The following CHD1 variants were observed in gnomAD, a reference collection of about 807,000 sequenced individuals.
CHD1 encodes chromodomain helicase DNA binding protein 1, also known as ATP-dependent chromatin remodeler CHD1.
In CHD1, 36 loss-of-function variants were observed where a neutral mutation model predicts 224.2. The ratio of observed to expected loss-of-function variants is 0.16; its 90% confidence interval spans 0.12 to 0.21. The LOEUF is 0.21. CHD1 is among the 10% of genes least tolerant of loss of function. The probability of loss-of-function intolerance (pLI) is 1.00; values close to 1 mark genes in which losing one functional copy is unlikely to be tolerated. For missense variants in CHD1, 1,378 were observed against 1,994.8 expected, an observed-to-expected ratio of 0.69 and a Z score of 5.89; for synonymous variants, 668 against 658.3, an observed-to-expected ratio of 1.01 and a Z score of -0.23.
rs748659933 is a variant in CHD1 at position 98,901,302 on chromosome 5, T to G, written c.471A>C (p.Pro157=). 3 of 1,612,646 alleles carry G rather than the reference T, an allele frequency of 1.9e-6. No homozygotes were observed. The highest frequency in any genetic ancestry group is 1.7e-6 in the Non-Finnish European group (2 of 1,179,662). Residue 157 remains proline, a synonymous_variant, in exon 6 of 36, where the codon CCA becomes CCC. Transcript: ENST00000614616. ...EDWQMSGSGS[P]SQSGSDSESE... ...ATTCTGAATCTGAACCAGACTGAGA[T>G]GGAGATCCTGACCCAGACATTTGCC...
Position 98,904,879 on chromosome 5 carries a change from G to A in CHD1, c.255+18C>T, listed in dbSNP as rs1324874059. On this transcript the variant is annotated intron_variant, in intron 3 of 35. Transcript: ENST00000614616. Reference sequence around the variant, plus strand: ...TAATACAAGCAATCTACCTTTCATTGGGTATTTTATTGATTACCTCAGCTC... The same window carrying A: ...TAATACAAGCAATCTACCTTTCATTAGGTATTTTATTGATTACCTCAGCTC... 2 of 1,610,572 alleles carry A rather than the reference G, an allele frequency of 1.2e-6. No homozygotes were observed. The highest frequency in any genetic ancestry group is 1.1e-5 in the South Asian group (1 of 90,966).
intron 2 of CHD1, among the ~76,000 whole-genome samples, chr5:98,913,915 GAGT>G (rs1242842692): frequency 2.0e-5 from 3 of 152,056 alleles, no homozygotes; most frequent in Non-Finnish European, 4.4e-5. Flanking sequence ...CTTATGATGA[GAGT>G]AGTAGTTTTT....
At chr5:98,858,609 T>C in intron 34 of CHD1, 2 of 508,198 alleles carry the variant, frequency 3.9e-6, no homozygotes, top group Non-Finnish European at 3.5e-6. Context: ...CTAAAAAATA[T>C]GGGACCTATT....
chr5:98,877,651 A>G (rs943712094), intron 23 of CHD1, among the ~76,000 whole-genome samples: 11 of 152,222 alleles, frequency 7.2e-5, no homozygotes, highest in African/African-American at 2.7e-4. Context: ...AAGTTAAATG[A>G]AGTAAAAAAT....
chr5:98,876,849 G>T (rs1238867160), intron 23 of CHD1, among the ~76,000 whole-genome samples: 2 of 152,120 alleles, frequency 1.3e-5, no homozygotes, highest in South Asian at 2.1e-4. Flanking sequence ...AAGAAACATT[G>T]ATCAATAAAG....
chr5:98,871,849 A>C (rs754142473), intron 28 of CHD1, among the ~76,000 whole-genome samples: 1 of 152,196 alleles, frequency 6.6e-6, no homozygotes, highest in African/African-American at 2.4e-5. Context: ...AATAACATAT[A>C]ATTTCACAGT....
rs780451053 is a variant in CHD1 at position 98,858,305 on chromosome 5, A to T, written c.4662T>A (p.His1554Gln). 6 of 1,613,198 alleles carry T rather than the reference A, an allele frequency of 3.7e-6. No individual in the cohort carries two copies. Among genetic ancestry groups the T allele is most frequent in the Admixed American group, 3.3e-5 (2 of 59,996 alleles). ...CCTGATGTCGGTCTTTATGATGATC[A>T]TGGTACTGAGTTAAGTGTCTATCAG... Reference protein sequence around the residue: ...YSSDRHLTQYHDHHKDRHQGD... With the variant: ...YSSDRHLTQYQDHHKDRHQGD... Residue 1554 changes from histidine to glutamine, a missense_variant, in exon 35 of 36, where the codon CAT becomes CAA. By Grantham distance (24) the His-to-Gln change is conservative (BLOSUM62 0). Transcript: ENST00000614616.
chr5:98,898,467 TA>T (rs1580461513), intron 9 of CHD1, 33 bp from the exon 10 acceptor site: 6 of 1,467,752 alleles, frequency 4.1e-6, no homozygotes, highest in Non-Finnish European at 5.4e-6. Context: ...CTTATTTATT[TA>T]TTTTTTTTTA....
At chr5:98,873,093 G>A (rs1213145566) in intron 26 of CHD1, among the ~76,000 whole-genome samples, 1 of 152,104 alleles carries the variant, frequency 6.6e-6, no homozygotes, top group Non-Finnish European at 1.5e-5. Context: ...CTCCAAAAGT[G>A]CTAGGATTAC....
intron 12 of CHD1, 51 bp downstream of exon 12, chr5:98,896,175 T>A: frequency 6.8e-7 from 1 of 1,460,352 alleles, no homozygotes. Flanking sequence ...AAACACTTGA[T>A]CTCAAAGACA....
At chr5:98,906,846 A>C (rs1311860256) in intron 2 of CHD1, among the ~76,000 whole-genome samples, 1 of 152,236 alleles carries the variant, frequency 6.6e-6, no homozygotes, top group Non-Finnish European at 1.5e-5. Flanking sequence ...GAAAGTAGAG[A>C]TCATACACAG....
In CHD1 at chr5:98,898,292, C is replaced by T. The variant is rs749103391; in HGVS notation, c.1329G>A (p.Arg443=). The stretch of plus-strand genomic sequence containing the variant: ...TAAAAGGAGTGGTTTTTGATTGGTT[C>T]CTGCTAAAATACTCATCAATGCATG... ...FQACIDEYFS[R]NQSKTTPFKD... The change falls in exon 10 of 36, where the codon AGG becomes AGA. Residue 443 remains arginine (R), a synonymous_variant. Transcript: ENST00000614616. 4.5e-6 allele frequency: 7 copies of T among 1,559,372 alleles called. No individual in the cohort carries two copies. The South Asian group carries it at 8.9e-5, about 20-fold the overall frequency.
chr5:98,922,826 T>C (rs545807136), intron 2 of CHD1, among the ~76,000 whole-genome samples: 4 of 152,192 alleles, frequency 2.6e-5, no homozygotes, highest in Non-Finnish European at 5.9e-5. Flanking sequence ...CCGTCTCTGC[T>C]AAAAATACAA....
At chr5:98,880,620 C>T (rs1367135748) in intron 22 of CHD1, among the ~76,000 whole-genome samples, 1 of 152,048 alleles carries the variant, frequency 6.6e-6, no homozygotes, top group Non-Finnish European at 1.5e-5. Flanking sequence ...ACTCATTGAC[C>T]CTCAACAAAC....
intron 14 of CHD1, 64 bp downstream of exon 14, chr5:98,893,352 C>T (rs1018152338): frequency 2.8e-6 from 3 of 1,077,622 alleles, no homozygotes; most frequent in East Asian, 2.7e-5. Flanking sequence ...ACCTTATTAC[C>T]TGGGTTTATT....
chr5:98,859,946 G>T, intron 33 of CHD1, 26 bp downstream of exon 33: 1 of 1,164,568 alleles, frequency 8.6e-7, no homozygotes, highest in Non-Finnish European at 1.2e-6. Context: ...TATAAATTCA[G>T]GGAAAAAATA....
At chr5:98,873,779 T>A (rs1749540981) in intron 25 of CHD1, 56 bp from the exon 26 acceptor site, 3 of 1,508,682 alleles carry the variant, frequency 2.0e-6, no homozygotes, top group Admixed American at 3.8e-5. Context: ...TGGTGCCATT[T>A]AAGATTAAGT....
rs773765246 is a variant in CHD1 at position 98,904,959 on chromosome 5, C to T, written c.193G>A (p.Glu65Lys). 6.2e-7 allele frequency: 1 copy of T among 1,612,688 alleles called. No individual in the cohort carries two copies. The highest frequency in any genetic ancestry group is 1.3e-5 in the African/African-American group (1 of 75,018). Residue 65 changes from glutamate (E) to lysine (K), a missense_variant, in exon 3 of 36, where the codon GAG (glutamate) becomes AAG (lysine). By Grantham distance (56) the Glu-to-Lys change is moderately conservative. Transcript: ENST00000614616. ...TTGTTTTCTCGGGAAGTGTCTGACT[C>T]AGACTCTGACTGACTGCCTGATTCA... The part of the protein sequence containing the change: ...GSESGSQSES[E>K]SDTSRENKVQ...
chr5:98,896,463 T>G (rs376614850), intron 11 of CHD1, 21 bp from the exon 12 acceptor site: 1 of 1,535,898 alleles, frequency 6.5e-7, no homozygotes. Context: ...AAAAAAAAAT[T>G]AGCATGCAAG....
Sources: allele counts gnomAD v4.1 joint callset (sites outside exome capture counted in the v4.1 genomes callset), GRCh38; gene constraint gnomAD v4.1.1; transcripts MANE v1.5; gene names NCBI Gene and HGNC (gene_info 2026-07-23, HGNC 2026-07-21).